The following TPRG1 variants were observed in gnomAD, a reference collection of about 807,000 sequenced individuals.
The protein encoded by TPRG1 is tumor protein p63 regulated 1.
TPRG1 carries 29 observed loss-of-function variants against 29.3 expected under a neutral mutation model. That is an observed-to-expected ratio of 0.99 (90% CI 0.74 to 1.35). TPRG1 has a LOEUF of 1.35. TPRG1 is among the 40% of genes most tolerant of loss of function. The pLI is 0.00. For missense variants in TPRG1, 327 were observed against 335.0 expected (o/e 0.98, Z 0.19); for synonymous variants, 130 against 116.8 (o/e 1.11, Z -0.73).
chr3:189,230,791 G>A (rs1194091267), intron 3 of TPRG1, among the ~76,000 whole-genome samples: 1 of 152,018 alleles, frequency 6.6e-6, no homozygotes, highest in Non-Finnish European at 1.5e-5. Context: ...ATCAGTAGGG[G>A]GATTACTTCT....
chr3:189,154,037 A>G (rs553074975), intron 5 of TPRG1, among the ~76,000 whole-genome samples: 1 of 152,284 alleles, frequency 6.6e-6, no homozygotes, highest in Non-Finnish European at 1.5e-5. Context: ...AGAAACACCC[A>G]ATTGGCCAAA....
chr3:189,286,748 C>T (rs960281011), intron 4 of TPRG1, among the ~76,000 whole-genome samples: 30 of 152,056 alleles, frequency 2.0e-4, no homozygotes, highest in African/African-American at 7.0e-4. Flanking sequence ...TAGTTGCACA[C>T]AGGAAAGTTC....
intron 4 of TPRG1, among the ~76,000 whole-genome samples, chr3:189,301,067 G>A (rs1238052515): frequency 6.6e-6 from 1 of 152,088 alleles, no homozygotes; most frequent in Non-Finnish European, 1.5e-5. Context: ...GGAGGCTGAG[G>A]CAGGCGGATC....
At chr3:189,082,636 C>G (rs1223917681) in intron 4 of TPRG1, among the ~76,000 whole-genome samples, 1 of 152,100 alleles carries the variant, frequency 6.6e-6, no homozygotes, top group Non-Finnish European at 1.5e-5. Context: ...CTCAGGTGTC[C>G]TGCCACTCAC....
intron 5 of TPRG1, among the ~76,000 whole-genome samples, chr3:189,313,492 C>G (rs1723020278): frequency 6.6e-6 from 1 of 152,054 alleles, no homozygotes; most frequent in African/African-American, 2.4e-5. Context: ...CAATTTAATT[C>G]AGTTTAAGAA....
At chr3:189,119,867 C>T (rs1477188315) in intron 1 of TPRG1, among the ~76,000 whole-genome samples, 1 of 152,172 alleles carries the variant, frequency 6.6e-6, no homozygotes, top group East Asian at 1.9e-4. Context: ...CAGACTAATA[C>T]ACGCAGGTTC....
chr3:189,156,059 A>G lies in TPRG1; in HGVS notation c.-10+5187A>G, dbSNP rs185791170. Among the ~76,000 whole-genome samples, 1,019 of 152,344 alleles carry G rather than the reference A, an allele frequency of 6.7e-3. 9 individuals are homozygous for G. The highest frequency in any genetic ancestry group is 0.012 in the Non-Finnish European group (820 of 68,026). On this transcript the variant is annotated intron_variant, in intron 5 of 6. Coordinates refer to the TPRG1 transcript ENST00000412373. ...GCTTCATTGTGGTAATCATTTCACA[A>G]TGCATAACTATATGAAAACATCACA...
intron 5 of TPRG1, among the ~76,000 whole-genome samples, chr3:189,313,753 C>A (rs940626921): frequency 1.3e-5 from 2 of 152,028 alleles, no homozygotes; most frequent in Admixed American, 1.3e-4. Context: ...AGGTTCTTGC[C>A]TTTGTGGAAG....
In TPRG1 at chr3:189,207,435, A is replaced by G; in HGVS notation, c.51A>G (p.Gln17=). ...GATTCCAGGCTGTGTCTCTGAAGCAAGAGGGAGATGACCAACCCTCTGAGA... is the reference window on the plus strand; with the variant it reads ...GATTCCAGGCTGTGTCTCTGAAGCAGGAGGGAGATGACCAACCCTCTGAGA... ...FEGFQAVSLK[Q]EGDDQPSETD... is the part of the protein sequence containing the mutation. Residue 17 remains glutamine, a synonymous_variant, in exon 2 of 6, where the codon CAA becomes CAG. Coordinates refer to ENST00000345063, the MANE Select transcript of TPRG1 (RefSeq NM_198485.4). 2 of 1,614,082 alleles carry G rather than the reference A, an allele frequency of 1.2e-6. No individual in the cohort carries two copies. The highest frequency in any genetic ancestry group is 8.5e-7 in the Non-Finnish European group (1 of 1,179,960).
intron 3 of TPRG1, among the ~76,000 whole-genome samples, chr3:189,021,460 G>A (rs1334051300): frequency 6.6e-6 from 1 of 152,060 alleles, no homozygotes. Flanking sequence ...TTGCTTGTCT[G>A]TAAAGGATTT....
chr3:189,073,710 C>T (rs1431906686), intron 4 of TPRG1, among the ~76,000 whole-genome samples: 1 of 152,144 alleles, frequency 6.6e-6, no homozygotes, highest in Non-Finnish European at 1.5e-5. Context: ...ATTCTTTATA[C>T]ACCCCTGTAG....
At chr3:189,235,147 G>A (rs1739256242) in intron 3 of TPRG1, among the ~76,000 whole-genome samples, 1 of 150,992 alleles carries the variant, frequency 6.6e-6, no homozygotes, top group South Asian at 2.1e-4. Context: ...TAAGGTTTTT[G>A]TAATTTCTCA....
At chr3:189,258,617 C>T (rs1712361594) in intron 4 of TPRG1, among the ~76,000 whole-genome samples, 1 of 152,208 alleles carries the variant, frequency 6.6e-6, no homozygotes, top group Non-Finnish European at 1.5e-5. Context: ...GCCCCTTCCC[C>T]CAGGTGCTCT....
intron 5 of TPRG1, among the ~76,000 whole-genome samples, chr3:189,153,572 G>T (rs1348719307): frequency 1.3e-5 from 2 of 152,112 alleles, no homozygotes; most frequent in East Asian, 1.9e-4. Context: ...GTGTCTCGGG[G>T]TGAGCCAGCT....
chr3:189,041,760 G>T (rs1030634338), intron 4 of TPRG1, among the ~76,000 whole-genome samples: 7 of 152,186 alleles, frequency 4.6e-5, no homozygotes, highest in African/African-American at 1.7e-4. Flanking sequence ...AAGTGGAGGC[G>T]AAGGGTTGGG....
intron 4 of TPRG1, among the ~76,000 whole-genome samples, chr3:189,262,302 A>G (rs1282611014): frequency 2.6e-5 from 4 of 151,970 alleles, no homozygotes; most frequent in Non-Finnish European, 5.9e-5. Context: ...AAATGACTGG[A>G]TTGGGTTTTT....
intron 4 of TPRG1, among the ~76,000 whole-genome samples, chr3:189,295,313 C>T (rs990031922): frequency 6.6e-6 from 1 of 152,040 alleles, no homozygotes; most frequent in Non-Finnish European, 1.5e-5. Context: ...ATCAACAATG[C>T]CAAGGCTGTG....
rs143934094 is a variant in TPRG1 at position 189,271,214 on chromosome 3, G to A, written c.479+32305G>A. On this transcript the variant is annotated intron_variant, in intron 4 of 5. Transcript: ENST00000345063. ...CTGTAACACAGTGCCTTGAAGGGAT[G>A]GGTTGCTTTAGACGAATACATGGGC... is the stretch of plus-strand genomic sequence containing the variant. 1.1e-4 allele frequency among the ~76,000 whole-genome samples: 17 copies of A among 152,316 alleles called. No individual in the cohort carries two copies. The East Asian group carries it at 2.5e-3, about 22-fold the overall frequency.
intron 4 of TPRG1, among the ~76,000 whole-genome samples, chr3:189,088,763 A>G (rs1269533167): frequency 6.6e-6 from 1 of 152,196 alleles, no homozygotes; most frequent in East Asian, 1.9e-4. Flanking sequence ...AATCGTCTCA[A>G]GTAGTGAAAA....
Sources: allele counts gnomAD v4.1 joint callset (sites outside exome capture counted in the v4.1 genomes callset), GRCh38; gene constraint gnomAD v4.1.1; transcripts MANE v1.5; gene names NCBI Gene and HGNC (gene_info 2026-07-23, HGNC 2026-07-21).